Variants in MGA observed in about 807,000 individuals in gnomAD.
MGA encodes MAX dimerization protein MGA, also known as MAX gene-associated protein.
A neutral mutation model predicts 261.1 loss-of-function variants in MGA; 40 were observed. That is an observed-to-expected ratio of 0.15 (90% CI 0.12 to 0.20). The LOEUF (loss-of-function observed/expected upper bound fraction) is 0.20, where lower values mean the gene tolerates loss of function less well. Among genes scored for constraint, MGA ranks in the 10% least tolerant of loss-of-function variants. The pLI is 1.00. For synonymous variants in MGA, 1,302 were observed against 1,290.6 expected (o/e 1.01, Z -0.19); for missense variants, 3,397 against 3,630.5 (o/e 0.94, Z 1.65).
rs1467252854 is a variant in MGA, at chr15:41,748,846, A to C, written c.5422A>C (p.Ile1808Leu). The change falls in exon 16 of 24, where the codon ATT becomes CTT. Residue 1808 changes from isoleucine to leucine, a missense_variant. By Grantham distance (5) the Ile-to-Leu change is conservative. Around this residue, in one of 9 missense-constraint regions of MGA, gnomAD observed 1,410 missense variants for 1,386.4 expected, o/e 1.02. Transcript: ENST00000219905. ...CTTATTCAGGCACCCTAATGGGCAG[A>C]TTGTCCAGCTTCTACCTTTGCATCA... 6.2e-7 allele frequency: 1 copy of C among 1,613,958 alleles called. No homozygotes were observed. The highest frequency in any genetic ancestry group is 2.2e-5 in the East Asian group (1 of 44,878).
At chr15:41,667,630 T>G (rs1228547632) in intron 1 of MGA, among the ~76,000 whole-genome samples, 3 of 152,140 alleles carry the variant, frequency 2.0e-5, no homozygotes, top group Non-Finnish European at 4.4e-5. Context: ...TCCTCCTGCC[T>G]TGGCCTCCCA....
chr15:41,713,173 T>C lies in MGA; in HGVS notation c.3107T>C (p.Ile1036Thr). The stretch of plus-strand genomic sequence containing the variant: ...TAGGCATCCCTCAAAACTAAACCTA[T>C]CCACACAATCATAAGGAAACGAGCC... The change falls in exon 9 of 24, where the codon ATC (isoleucine) becomes ACC (threonine). Residue 1036 changes from isoleucine to threonine, a missense_variant. Ile to Thr is a moderately conservative substitution (Grantham distance 89). This residue lies in a region of MGA where 519 missense variants were observed against 554.1 expected (regional missense o/e 0.94). Coordinates refer to ENST00000219905, the MANE Select transcript of MGA (RefSeq NM_001164273.2). The C allele has an allele frequency of 6.2e-7, 1 of 1,613,182 alleles. No individual in the cohort carries two copies. The highest frequency in any genetic ancestry group is 1.3e-5 in the African/African-American group (1 of 75,030).
chr15:41,661,650 A>G (rs888472665), intron 1 of MGA, among the ~76,000 whole-genome samples: 2 of 152,104 alleles, frequency 1.3e-5, no homozygotes, highest in African/African-American at 4.8e-5. Flanking sequence ...AAACACGTGG[A>G]TCATGAGAAG....
chr15:41,701,574 C>T (rs1042645261), intron 5 of MGA, among the ~76,000 whole-genome samples: 2 of 152,108 alleles, frequency 1.3e-5, no homozygotes, highest in African/African-American at 4.8e-5. Flanking sequence ...GAGTTGGACT[C>T]TGGTCGGGTA....
intron 9 of MGA, among the ~76,000 whole-genome samples, chr15:41,724,161 T>C (rs981580580): frequency 8.5e-5 from 13 of 152,190 alleles, no homozygotes; most frequent in Non-Finnish European, 1.9e-4. Context: ...AATTAATGCG[T>C]GTACAAAATA....
chr15:41,658,137 T>C (rs2150780919), upstream of MGA, among the ~76,000 whole-genome samples: 2 of 152,318 alleles, frequency 1.3e-5, no homozygotes, highest in Middle Eastern at 6.8e-3. Context: ...ATTGCATGCA[T>C]TCTCTCTAGT....
intron 1 of MGA, among the ~76,000 whole-genome samples, chr15:41,650,105 A>G (rs1186366662): frequency 3.9e-5 from 6 of 152,192 alleles, no homozygotes; most frequent in Non-Finnish European, 8.8e-5. Context: ...CCAGGCAGAG[A>G]GCCAGTAGCT....
intron 11 of MGA, among the ~76,000 whole-genome samples, chr15:41,731,526 A>G: frequency 6.6e-6 from 1 of 152,128 alleles, no homozygotes; most frequent in East Asian, 1.9e-4. Flanking sequence ...TTGTTACATC[A>G]TTTTGGATAA....
intron 5 of MGA, among the ~76,000 whole-genome samples, chr15:41,706,572 T>C (rs1447498432): frequency 7.9e-6 from 1 of 127,388 alleles, no homozygotes; most frequent in African/African-American, 2.8e-5. Flanking sequence ...AACACTTAGC[T>C]TTTTTTTTTT....
chr15:41,667,197 G>C (rs1437542862), intron 1 of MGA, among the ~76,000 whole-genome samples: 1 of 151,740 alleles, frequency 6.6e-6, no homozygotes, highest in African/African-American at 2.4e-5. Flanking sequence ...TAGGTATTTG[G>C]TCTTGTTGAT....
intron 1 of MGA, among the ~76,000 whole-genome samples, chr15:41,661,911 C>T (rs1218416161): frequency 6.6e-6 from 1 of 152,090 alleles, no homozygotes. Flanking sequence ...CGGGTTCCGG[C>T]CGGCGGCACG....
At chr15:41,655,462 C>T (rs1379556139), upstream of MGA, among the ~76,000 whole-genome samples, 1 of 152,002 alleles carries the variant, frequency 6.6e-6, no homozygotes, top group Middle Eastern at 3.2e-3. Flanking sequence ...CGTGAGCCAC[C>T]GTGTCTGGCT....
intron 19 of MGA, among the ~76,000 whole-genome samples, chr15:41,758,491 T>C (rs908459799): frequency 2.6e-5 from 4 of 152,142 alleles, no homozygotes; most frequent in Non-Finnish European, 5.9e-5. Flanking sequence ...TTGGGACTTA[T>C]ATGATACAGC....
intron 13 of MGA, among the ~76,000 whole-genome samples, chr15:41,737,597 C>G (rs1483955191): frequency 1.3e-5 from 2 of 152,082 alleles, no homozygotes; most frequent in African/African-American, 4.8e-5. Context: ...ATCCTTGATA[C>G]TTAGTAATTC....
chr15:41,765,442 C>T (rs572463848), intron 23 of MGA, among the ~76,000 whole-genome samples: 5 of 152,366 alleles, frequency 3.3e-5, no homozygotes, highest in Admixed American at 3.3e-4. Flanking sequence ...ACTTTGAGCA[C>T]TACTCTGTTT....
At chr15:41,657,154 C>G (rs2057221702), upstream of MGA, among the ~76,000 whole-genome samples, 1 of 152,006 alleles carries the variant, frequency 6.6e-6, no homozygotes, top group Non-Finnish European at 1.5e-5. Context: ...TTTTTAATTC[C>G]TTAAATCGTT....
chr15:41,747,743 C>T (rs1175696269), intron 15 of MGA, among the ~76,000 whole-genome samples: 1 of 152,154 alleles, frequency 6.6e-6, no homozygotes, highest in Admixed American at 6.5e-5. Context: ...ATCCCTTTAA[C>T]AGGAATCCAG....
rs771629559 is a variant in MGA, at chr15:41,766,109, C to A, written c.8027C>A (p.Pro2676His). The change falls in exon 24 of 24, where the codon CCT (proline) becomes CAT (histidine). Residue 2676 changes from proline to histidine, a missense_variant. Physicochemically the swap from Pro to His is moderately conservative, Grantham distance 77. This residue lies in a region of MGA where 647 missense variants were observed against 642.4 expected (regional missense o/e 1.01). Coordinates refer to ENST00000219905, the MANE Select transcript of MGA (RefSeq NM_001164273.2). ...GGCAGCAAATATCCTCATGAAGTTC[C>A]TGATAGCAAGCCATCTGACCATCTG... The A allele has an allele frequency of 2.2e-5, 36 of 1,613,934 alleles. No individual in the cohort carries two copies. The highest frequency in any genetic ancestry group is 3.1e-5 in the Non-Finnish European group (36 of 1,179,888).
chr15:41,757,223 C>T (rs1486734411), intron 18 of MGA, among the ~76,000 whole-genome samples: 1 of 152,024 alleles, frequency 6.6e-6, no homozygotes, highest in African/African-American at 2.4e-5. Flanking sequence ...CATGTATCCA[C>T]AAATATAGAA....
Sources: allele counts gnomAD v4.1 joint callset (sites outside exome capture counted in the v4.1 genomes callset), GRCh38; gene constraint gnomAD v4.1.1; regional missense constraint gnomAD v4.1.1; transcripts MANE v1.5; gene names NCBI Gene and HGNC (gene_info 2026-07-23, HGNC 2026-07-21).